The following NRCAM variants were observed in gnomAD, a reference collection of about 807,000 sequenced individuals.
The protein encoded by NRCAM is neuronal cell adhesion molecule, also known as NgCAM-related cell adhesion molecule.
A neutral mutation model predicts 156.5 loss-of-function variants in NRCAM; 83 were observed. The observed-to-expected ratio is 0.53, with a 90% CI of 0.44 to 0.64. The LOEUF is 0.64. Ranked by LOEUF, NRCAM falls within the 30% of genes least tolerant of loss-of-function variation. NRCAM has a pLI of 0.00. For missense variants in NRCAM, 1,417 were observed against 1,597.3 expected, an observed-to-expected ratio of 0.89 and a Z score of 1.92; for synonymous variants, 538 against 563.9, an observed-to-expected ratio of 0.95 and a Z score of 0.65.
At chr7:108,352,034 T>G (rs1431039052) in intron 2 of NRCAM, among the ~76,000 whole-genome samples, 1 of 152,176 alleles carries the variant, frequency 6.6e-6, no homozygotes, top group Non-Finnish European at 1.5e-5. Context: ...ACTCCCTGAC[T>G]GCAGAGTCCT....
chr7:108,352,503 G>T (rs2099422029), intron 2 of NRCAM, among the ~76,000 whole-genome samples: 1 of 152,190 alleles, frequency 6.6e-6, no homozygotes, highest in Admixed American at 6.5e-5. Context: ...TGCTGGAAAG[G>T]TTGCTCTGCC....
At chr7:108,154,748 C>G (rs2043930623) in intron 32 of NRCAM, among the ~76,000 whole-genome samples, 1 of 152,108 alleles carries the variant, frequency 6.6e-6, no homozygotes, top group Non-Finnish European at 1.5e-5. Context: ...ATAAGTCATA[C>G]ACACAGTGCT....
chr7:108,175,930 T>A (rs573594318), intron 27 of NRCAM, among the ~76,000 whole-genome samples: 1 of 152,306 alleles, frequency 6.6e-6, no homozygotes, highest in South Asian at 2.1e-4. Flanking sequence ...AAATGCACTC[T>A]TTAATAACTG....
chr7:108,334,436 T>C (rs1327743189), intron 2 of NRCAM, among the ~76,000 whole-genome samples: 2 of 152,226 alleles, frequency 1.3e-5, no homozygotes, highest in African/African-American at 2.4e-5. Context: ...CGACTCCGAA[T>C]TGATCTTCCA....
At chr7:108,434,940 T>C (rs1204058042) in intron 1 of NRCAM, among the ~76,000 whole-genome samples, 2 of 152,006 alleles carry the variant, frequency 1.3e-5, no homozygotes, top group Non-Finnish European at 2.9e-5. Flanking sequence ...GAAACCACAG[T>C]TACCACTACA....
intron 1 of NRCAM, among the ~76,000 whole-genome samples, chr7:108,411,091 A>T (rs915463313): frequency 2.6e-5 from 4 of 152,170 alleles, no homozygotes; most frequent in Non-Finnish European, 5.9e-5. Context: ...CAGCCTATGA[A>T]AGGCCTTTTT....
Position 108,274,351 on chromosome 7 carries a change from T to C in NRCAM, c.-106-34181A>G, listed in dbSNP as rs758038335. Among the ~76,000 whole-genome samples, 18 of 152,252 alleles carry C rather than the reference T, an allele frequency of 1.2e-4. 1 individual carries two copies. The highest frequency in any genetic ancestry group is 2.4e-5 in the African/African-American group (1 of 41,468). On this transcript the variant is annotated intron_variant, in intron 3 of 32. Transcript: ENST00000379028. ...GGGCAGTATGGCTATTTTCAGGATA[T>C]TGATTCCTCCTATCCATGAGCATGG...
At chr7:108,413,573 C>G (rs1257650542) in intron 1 of NRCAM, among the ~76,000 whole-genome samples, 4 of 152,164 alleles carry the variant, frequency 2.6e-5, no homozygotes, top group Non-Finnish European at 2.9e-5. Flanking sequence ...TTACCTTGAT[C>G]TCACACATTT....
chr7:108,255,117 T>C (rs770627032), intron 3 of NRCAM, among the ~76,000 whole-genome samples: 1 of 152,138 alleles, frequency 6.6e-6, no homozygotes, highest in Admixed American at 6.5e-5. Context: ...ACATGCGGCA[T>C]GGATGAAACC....
At chr7:108,369,631 C>T (rs908347868) in intron 2 of NRCAM, among the ~76,000 whole-genome samples, 17 of 152,002 alleles carry the variant, frequency 1.1e-4, no homozygotes, top group South Asian at 2.1e-4. Flanking sequence ...TATTTAAGGA[C>T]GAGTTTTCCT....
At chr7:108,287,397 C>T (rs1046867535) in intron 3 of NRCAM, among the ~76,000 whole-genome samples, 1 of 151,948 alleles carries the variant, frequency 6.6e-6, no homozygotes, top group East Asian at 1.9e-4. Flanking sequence ...AGACAACCTA[C>T]AAAATGGGAC....
At chr7:108,343,596 G>C (rs1411550805) in intron 2 of NRCAM, among the ~76,000 whole-genome samples, 1 of 152,090 alleles carries the variant, frequency 6.6e-6, no homozygotes, top group Non-Finnish European at 1.5e-5. Context: ...AAATAGAATG[G>C]GGAACCTCAT....
intron 1 of NRCAM, among the ~76,000 whole-genome samples, chr7:108,443,411 CTG>C (rs1301732426): frequency 1.3e-5 from 2 of 152,164 alleles, no homozygotes; most frequent in African/African-American, 4.8e-5. Context: ...CTTGACAATT[CTG>C]TTTCTCCAAA....
chr7:108,335,925 A>G (rs953081651), intron 2 of NRCAM, among the ~76,000 whole-genome samples: 3 of 152,210 alleles, frequency 2.0e-5, no homozygotes, highest in Non-Finnish European at 2.9e-5. Flanking sequence ...TATAAAGAAC[A>G]AAAGAATATT....
chr7:108,150,691 T>G, intron 32 of NRCAM: 1 of 532,526 alleles, frequency 1.9e-6, no homozygotes, highest in Admixed American at 2.0e-5. Flanking sequence ...AACTTCAACC[T>G]TACCTTTCAA....
chr7:108,364,326 G>A (rs1182504995), intron 2 of NRCAM, among the ~76,000 whole-genome samples: 1 of 152,194 alleles, frequency 6.6e-6, no homozygotes, highest in African/African-American at 2.4e-5. Flanking sequence ...CATCCATTAA[G>A]ATAGCTATAA....
At chr7:108,287,630 G>T (rs939740069) in intron 3 of NRCAM, among the ~76,000 whole-genome samples, 5 of 145,090 alleles carry the variant, frequency 3.4e-5, no homozygotes, top group Non-Finnish European at 7.7e-5. Context: ...TTTGTGTCAT[G>T]ACAATAACAA....
At chr7:108,300,128 ACAAATGTAATCCTTCCC>A (rs1433051269) in intron 3 of NRCAM, among the ~76,000 whole-genome samples, 9 of 149,100 alleles carry the variant, frequency 6.0e-5, no homozygotes, top group Admixed American at 2.0e-4. Flanking sequence ...CTGCCTACAT[ACAAATGTAATCCTTCCC>A]CAAATTTCTG....
chr7:108,318,488 T>TTC (rs2098958969), intron 2 of NRCAM, among the ~76,000 whole-genome samples: 1 of 152,204 alleles, frequency 6.6e-6, no homozygotes, highest in South Asian at 2.1e-4. Flanking sequence ...GGCTGTTAGA[T>TTC]TCCCTTTCTC....
Sources: gnomAD v4.1 joint callset for allele counts (sites outside exome capture counted in the v4.1 genomes callset) on GRCh38, gnomAD v4.1.1 for gene constraint, MANE v1.5 for transcripts, NCBI Gene and HGNC (gene_info 2026-07-23, HGNC 2026-07-21) for gene names.